The following NOS1AP variants were observed in gnomAD, a reference collection of about 807,000 sequenced individuals.
NOS1AP encodes the protein carboxyl-terminal PDZ ligand of neuronal nitric oxide synthase protein.
In NOS1AP, 21 loss-of-function variants were observed where a neutral mutation model predicts 56.2. The observed-to-expected ratio is 0.37, with a 90% confidence interval of 0.26 to 0.54. The LOEUF is 0.54. Ranked by LOEUF, NOS1AP falls within the 20% of genes least tolerant of loss-of-function variation. The probability of loss-of-function intolerance (pLI) is 0.84; values close to 1 mark genes in which losing one functional copy is unlikely to be tolerated. For synonymous variants in NOS1AP, 270 were observed against 274.6 expected (o/e 0.98, Z 0.17); for missense variants, 522 against 657.8 (o/e 0.79, Z 2.26).
intron 1 of NOS1AP, among the ~76,000 whole-genome samples, chr1:162,111,491 A>G (rs1304656782): frequency 1.3e-5 from 2 of 152,210 alleles, no homozygotes; most frequent in East Asian, 1.9e-4. Context: ...GCTCTGTCCC[A>G]GAGGAATGAC....
intron 4 of NOS1AP, among the ~76,000 whole-genome samples, chr1:162,328,420 A>G (rs1414804236): frequency 1.3e-5 from 2 of 152,202 alleles, no homozygotes; most frequent in African/African-American, 4.8e-5. Flanking sequence ...ATATATTAAA[A>G]TGTTGGCCAT....
chr1:162,362,977 A>G (rs1360930806), intron 8 of NOS1AP: 3 of 928,006 alleles, frequency 3.2e-6, no homozygotes, highest in African/African-American at 3.6e-5. Flanking sequence ...CTGTCACAAC[A>G]TACTTCTATG....
rs547686866 is a variant in NOS1AP, at chr1:162,172,502, G to C, written c.177+18026G>C. Among the ~76,000 whole-genome samples, 14 of 152,280 alleles carry C rather than the reference G, an allele frequency of 9.2e-5. No individual in the cohort carries two copies. The East Asian group carries it at 2.7e-3, about 29-fold the overall frequency. ...CTTTGCTATTGAAACCCTCTAGATGGCCATGACTCTGTGTTGCCAAATTAC... is the reference window on the plus strand; with the variant it reads ...CTTTGCTATTGAAACCCTCTAGATGCCCATGACTCTGTGTTGCCAAATTAC... On this transcript the variant is annotated intron_variant, in intron 2 of 9. Transcript: ENST00000361897.
At chr1:162,136,959 A>G (rs780660309) in intron 1 of NOS1AP, among the ~76,000 whole-genome samples, 1 of 152,198 alleles carries the variant, frequency 6.6e-6, no homozygotes, top group Admixed American at 6.5e-5. Flanking sequence ...CTGAGGAATT[A>G]GTGACTCATA....
intron 7 of NOS1AP, among the ~76,000 whole-genome samples, chr1:162,356,715 C>T (rs1016897368): frequency 1.3e-5 from 2 of 152,218 alleles, no homozygotes; most frequent in African/African-American, 2.4e-5. Context: ...AGTCTCCCAT[C>T]GGGGTCAGTT....
intron 3 of NOS1AP, among the ~76,000 whole-genome samples, chr1:162,296,817 A>G (rs1270269657): frequency 6.6e-6 from 1 of 152,232 alleles, no homozygotes; most frequent in Non-Finnish European, 1.5e-5. Context: ...CTTGGAAGAA[A>G]CATGAACTGG....
At chr1:162,225,496 G>T (rs188663540) in intron 2 of NOS1AP, among the ~76,000 whole-genome samples, 1 of 152,318 alleles carries the variant, frequency 6.6e-6, no homozygotes, top group Non-Finnish European at 1.5e-5. Context: ...CAGGTAGGTT[G>T]TGTAAAGGAC....
chr1:162,319,520 C>T (rs1437852095), intron 4 of NOS1AP, among the ~76,000 whole-genome samples: 1 of 152,154 alleles, frequency 6.6e-6, no homozygotes, highest in Non-Finnish European at 1.5e-5. Flanking sequence ...TTCTGTATGC[C>T]CTGCAATCCC....
intron 1 of NOS1AP, among the ~76,000 whole-genome samples, chr1:162,084,974 T>C (rs1414814798): frequency 6.6e-6 from 1 of 152,156 alleles, no homozygotes; most frequent in Non-Finnish European, 1.5e-5. Flanking sequence ...CATAGTGTTT[T>C]CTATGGTATT....
intron 2 of NOS1AP, among the ~76,000 whole-genome samples, chr1:162,232,731 A>C (rs1462944764): frequency 6.6e-6 from 1 of 152,194 alleles, no homozygotes; most frequent in African/African-American, 2.4e-5. Flanking sequence ...AATATTAAAA[A>C]AATTTTAAAG....
intron 6 of NOS1AP, among the ~76,000 whole-genome samples, chr1:162,346,645 G>T (rs1336870427): frequency 6.6e-6 from 1 of 152,198 alleles, no homozygotes; most frequent in Non-Finnish European, 1.5e-5. Context: ...GGGTGGCTGA[G>T]GTGGCAGGAA....
At chr1:162,350,988 T>C (rs1237319192) in intron 6 of NOS1AP, among the ~76,000 whole-genome samples, 1 of 152,240 alleles carries the variant, frequency 6.6e-6, no homozygotes, top group East Asian at 1.9e-4. Flanking sequence ...TGCTTTCTGA[T>C]GGTTTCATGT....
chr1:162,114,450 T>A (rs1647852528), intron 1 of NOS1AP, among the ~76,000 whole-genome samples: 1 of 152,118 alleles, frequency 6.6e-6, no homozygotes, highest in South Asian at 2.1e-4. Flanking sequence ...CAGGCTCACA[T>A]ATATTATCTT....
At chr1:162,194,527 G>A (rs928117149) in intron 2 of NOS1AP, among the ~76,000 whole-genome samples, 1 of 152,186 alleles carries the variant, frequency 6.6e-6, no homozygotes, top group African/African-American at 2.4e-5. Context: ...CCATGTCTGT[G>A]CAAAAGTTTC....
chr1:162,147,934 G>C (rs748706420), intron 1 of NOS1AP, among the ~76,000 whole-genome samples: 43 of 152,154 alleles, frequency 2.8e-4, no homozygotes, highest in African/African-American at 2.4e-4. Context: ...TTCCTGGAAG[G>C]GGGGGATGCA....
chr1:162,123,727 C>T (rs1360139589), intron 1 of NOS1AP, among the ~76,000 whole-genome samples: 1 of 152,094 alleles, frequency 6.6e-6, no homozygotes, highest in Non-Finnish European at 1.5e-5. Context: ...CCAATTTACC[C>T]TTCACCCCGC....
intron 1 of NOS1AP, among the ~76,000 whole-genome samples, chr1:162,098,973 T>C (rs533152893): frequency 6.6e-6 from 1 of 152,296 alleles, no homozygotes; most frequent in Non-Finnish European, 1.5e-5. Flanking sequence ...GCAGTGAACA[T>C]ATGTGTGTAT....
At chr1:162,306,222 G>A (rs755106996) in intron 4 of NOS1AP, among the ~76,000 whole-genome samples, 4 of 152,164 alleles carry the variant, frequency 2.6e-5, no homozygotes, top group South Asian at 2.1e-4. Context: ...AGAAGTCTCC[G>A]GAAGGCTGTT....
rs562920231 is a variant in NOS1AP at position 162,221,496 on chromosome 1, C to CT, written c.178-65841dup. 2.6e-4 allele frequency among the ~76,000 whole-genome samples: 39 copies of CT among 149,030 alleles called. No homozygotes were observed. In the East Asian group the frequency reaches 7.5e-3, roughly 29 times the overall value. On this transcript the variant is annotated intron_variant, in intron 2 of 9. Transcript: ENST00000361897. ...TAGCACTTTGGGTAATCTCTCATTT[C>CT]TTTTTTTAATGCAACACACACACGC...
Sources: gnomAD v4.1 joint callset for allele counts (sites outside exome capture counted in the v4.1 genomes callset) on GRCh38, gnomAD v4.1.1 for gene constraint, MANE v1.5 for transcripts, NCBI Gene and HGNC (gene_info 2026-07-23, HGNC 2026-07-21) for gene names.